The following LHFPL3 variants were observed in gnomAD, a reference collection of about 807,000 sequenced individuals.
LHFPL3 encodes LHFPL tetraspan subfamily member 3.
Under a neutral mutation model 19.3 loss-of-function variants are expected in LHFPL3, and 5 were observed. The observed-to-expected ratio is 0.26, with a 90% confidence interval of 0.14 to 0.54. The LOEUF (loss-of-function observed/expected upper bound fraction) is 0.54, where lower values mean the gene tolerates loss of function less well. Among genes scored for constraint, LHFPL3 ranks in the 20% least tolerant of loss-of-function variants. LHFPL3 has a pLI of 0.94. For synonymous variants in LHFPL3, 133 were observed against 126.2 expected, an observed-to-expected ratio of 1.05 and a Z score of -0.36; for missense variants, 249 against 307.4, an observed-to-expected ratio of 0.81 and a Z score of 1.42.
At chr7:104,871,936 G>C (rs1391764983) in intron 2 of LHFPL3, among the ~76,000 whole-genome samples, 1 of 151,994 alleles carries the variant, frequency 6.6e-6, no homozygotes, top group East Asian at 1.9e-4. Context: ...GGGATTACAG[G>C]TGTGAGCCAC....
intron 1 of LHFPL3, among the ~76,000 whole-genome samples, chr7:104,702,138 T>C (rs1396850128): frequency 1.3e-5 from 2 of 151,960 alleles, no homozygotes; most frequent in African/African-American, 4.8e-5. Flanking sequence ...TGGTTTTCTG[T>C]TCTTGTGTTA....
At chr7:104,355,370 A>G (rs144136648) in intron 1 of LHFPL3, among the ~76,000 whole-genome samples, 169 of 152,280 alleles carry the variant, frequency 1.1e-3, no homozygotes, top group South Asian at 8.1e-3. Context: ...GAGACGTCAC[A>G]CTTGGACCAG....
At chr7:104,515,036 T>C (rs1793894336) in intron 1 of LHFPL3, among the ~76,000 whole-genome samples, 1 of 152,186 alleles carries the variant, frequency 6.6e-6, no homozygotes, top group South Asian at 2.1e-4. Flanking sequence ...GTCCTACTTC[T>C]TTCACTTTTA....
At chr7:104,848,910 TG>T (rs759740117) in intron 2 of LHFPL3, among the ~76,000 whole-genome samples, 25 of 146,578 alleles carry the variant, frequency 1.7e-4, no homozygotes, top group African/African-American at 2.6e-4. Flanking sequence ...GTTTTTTTTT[TG>T]TTGTTGTTGT....
chr7:104,603,849 G>T, intron 1 of LHFPL3, among the ~76,000 whole-genome samples: 1 of 152,196 alleles, frequency 6.6e-6, no homozygotes, highest in East Asian at 1.9e-4. Context: ...GGCACACTGG[G>T]GTGGGGGTTG....
intron 1 of LHFPL3, among the ~76,000 whole-genome samples, chr7:104,394,421 G>A (rs1791141859): frequency 6.6e-6 from 1 of 152,056 alleles, no homozygotes; most frequent in African/African-American, 2.4e-5. Flanking sequence ...TACCCTTCTA[G>A]GTTTCCTGAT....
intron 1 of LHFPL3, among the ~76,000 whole-genome samples, chr7:104,600,693 G>C (rs920414593): frequency 6.6e-6 from 1 of 152,204 alleles, no homozygotes; most frequent in African/African-American, 2.4e-5. Flanking sequence ...GCAAAGCCAA[G>C]GACAAAGATC....
intron 2 of LHFPL3, among the ~76,000 whole-genome samples, chr7:104,812,336 C>G (rs1790485436): frequency 6.6e-6 from 1 of 152,146 alleles, no homozygotes; most frequent in Non-Finnish European, 1.5e-5. Context: ...GTGGAATAGT[C>G]ATGCAATGGA....
chr7:104,378,460 T>C (rs944304054), intron 1 of LHFPL3, among the ~76,000 whole-genome samples: 5 of 152,334 alleles, frequency 3.3e-5, no homozygotes, highest in African/African-American at 1.2e-4. Flanking sequence ...GGCATTTCTG[T>C]TGTTTCCAGG....
At chr7:104,667,959 T>A (rs931604616) in intron 1 of LHFPL3, 1 of 1,613,336 alleles carries the variant, frequency 6.2e-7, no homozygotes, top group Non-Finnish European at 8.5e-7. Context: ...AATTGACCGT[T>A]CCATCCTTCC....
chr7:104,762,272 A>G (rs983932697), intron 2 of LHFPL3, among the ~76,000 whole-genome samples: 3 of 152,220 alleles, frequency 2.0e-5, no homozygotes, highest in Non-Finnish European at 4.4e-5. Flanking sequence ...GAGAAAAAGG[A>G]AAGTTGAACT....
chr7:104,687,427 T>C (rs1388710383), intron 1 of LHFPL3, among the ~76,000 whole-genome samples: 1 of 152,170 alleles, frequency 6.6e-6, no homozygotes, highest in Non-Finnish European at 1.5e-5. Flanking sequence ...TAGCCATTGA[T>C]AAAAAGCTCA....
intron 1 of LHFPL3, among the ~76,000 whole-genome samples, chr7:104,610,250 C>T (rs987419720): frequency 5.3e-5 from 8 of 152,000 alleles, no homozygotes. Flanking sequence ...TGATTGAATT[C>T]GTTTTTTTAA....
At chr7:104,502,458 G>A (rs1029976590) in intron 1 of LHFPL3, among the ~76,000 whole-genome samples, 1 of 152,210 alleles carries the variant, frequency 6.6e-6, no homozygotes, top group African/African-American at 2.4e-5. Flanking sequence ...AAGTAAAAAT[G>A]ATGTGCAGCA....
intron 1 of LHFPL3, among the ~76,000 whole-genome samples, chr7:104,702,097 A>G (rs990744603): frequency 7.3e-5 from 11 of 151,376 alleles, no homozygotes; most frequent in African/African-American, 2.7e-4. Context: ...TCATTGTTCA[A>G]CTCCCACTTA....
intron 1 of LHFPL3, among the ~76,000 whole-genome samples, chr7:104,536,199 T>C (rs1038677920): frequency 6.6e-6 from 1 of 152,240 alleles, no homozygotes; most frequent in Non-Finnish European, 1.5e-5. Flanking sequence ...GTACATGTCT[T>C]AAAGGTTTCT....
At chr7:104,527,202 G>A (rs1305565580) in intron 1 of LHFPL3, among the ~76,000 whole-genome samples, 2 of 152,146 alleles carry the variant, frequency 1.3e-5, no homozygotes, top group African/African-American at 2.4e-5. Flanking sequence ...GGCGGATATT[G>A]TAGCACCTTG....
At chr7:104,507,807 C>A (rs1793729301) in intron 1 of LHFPL3, among the ~76,000 whole-genome samples, 2 of 124,614 alleles carry the variant, frequency 1.6e-5, no homozygotes, top group South Asian at 2.8e-4. Context: ...AGGACATGAA[C>A]AGACACTTCT....
At position 104,669,140 on chromosome 7, in the gene LHFPL3, C is replaced by T. The variant is rs1333676303; in HGVS notation, c.446-67535C>T. 7.4e-6 allele frequency: 12 copies of T among 1,613,374 alleles called. No homozygotes were observed. The South Asian group carries it at 1.3e-4, about 18-fold the overall frequency. On this transcript the variant is annotated intron_variant, in intron 1 of 2. Transcript: ENST00000424859. ...TCTCCAACTTCTAAACCTCCCAAAC[C>T]TGATCAGCCCCTAAAGGTAATGCCA...
Sources: allele counts gnomAD v4.1 joint callset (sites outside exome capture counted in the v4.1 genomes callset), GRCh38; gene constraint gnomAD v4.1.1; transcripts MANE v1.5; gene names NCBI Gene and HGNC (gene_info 2026-07-23, HGNC 2026-07-21).